Variants in COMMD10 observed in about 807,000 individuals in gnomAD.
COMMD10 encodes the protein COMM domain-containing protein 10.
In COMMD10, 33 loss-of-function variants were observed where a neutral mutation model predicts 28.9. The observed-to-expected ratio is 1.14, with a 90% CI of 0.87 to 1.53. The LOEUF (loss-of-function observed/expected upper bound fraction) is 1.53, where lower values mean the gene tolerates loss of function less well. COMMD10 is among the 40% of genes most tolerant of loss of function. COMMD10 has a pLI of 0.00. For missense variants in COMMD10, 310 were observed against 233.4 expected, an observed-to-expected ratio of 1.33 and a Z score of -2.14; for synonymous variants, 110 against 81.7, an observed-to-expected ratio of 1.35 and a Z score of -1.87.
intron 5 of COMMD10, among the ~76,000 whole-genome samples, chr5:116,144,789 G>A (rs1365967881): frequency 6.6e-6 from 1 of 151,886 alleles, no homozygotes; most frequent in Admixed American, 6.6e-5. Context: ...AATATGAGGT[G>A]AGAGTGGAAG....
intron 5 of COMMD10, among the ~76,000 whole-genome samples, chr5:116,245,522 G>T (rs531182535): frequency 6.6e-6 from 1 of 152,036 alleles, no homozygotes; most frequent in South Asian, 2.1e-4. Flanking sequence ...CCAAAACCTG[G>T]CAGAGATAAA....
At chr5:116,237,477 C>T (rs1221199378) in intron 5 of COMMD10, among the ~76,000 whole-genome samples, 1 of 151,936 alleles carries the variant, frequency 6.6e-6, no homozygotes, top group Non-Finnish European at 1.5e-5. Context: ...AAAAAAAATA[C>T]TACATCAAGC....
At chr5:116,268,904 A>C (rs1750679871) in intron 5 of COMMD10, among the ~76,000 whole-genome samples, 1 of 151,122 alleles carries the variant, frequency 6.6e-6, no homozygotes, top group Admixed American at 6.6e-5. Context: ...CAATGAGAAC[A>C]CTTGGACACA....
chr5:116,102,695 C>G (rs1193576395), intron 4 of COMMD10, among the ~76,000 whole-genome samples: 2 of 152,006 alleles, frequency 1.3e-5, no homozygotes, highest in African/African-American at 4.8e-5. Context: ...GTTTTAAGTT[C>G]TGGGGTACAT....
chr5:116,196,437 T>G (rs1316756499), intron 5 of COMMD10, among the ~76,000 whole-genome samples: 1 of 151,738 alleles, frequency 6.6e-6, no homozygotes, highest in African/African-American at 2.4e-5. Flanking sequence ...CTCACAAATC[T>G]CCACTAAAGA....
chr5:116,250,664 G>C (rs1750087166), intron 5 of COMMD10, among the ~76,000 whole-genome samples: 1 of 151,820 alleles, frequency 6.6e-6, no homozygotes, highest in African/African-American at 2.4e-5. Context: ...GGAAAAATGG[G>C]AATGAGCTAA....
intron 5 of COMMD10, among the ~76,000 whole-genome samples, chr5:116,227,484 T>C (rs189649180): frequency 6.6e-6 from 1 of 152,058 alleles, no homozygotes; most frequent in African/African-American, 2.4e-5. Context: ...AAATGTTTGT[T>C]CAATTTATAC....
intron 4 of COMMD10, among the ~76,000 whole-genome samples, chr5:116,133,594 G>GA (rs1205998958): frequency 2.0e-5 from 3 of 151,874 alleles, no homozygotes; most frequent in African/African-American, 7.3e-5. Flanking sequence ...AAATTAAAAA[G>GA]AAAAAAAGCA....
rs570950064 is a variant in COMMD10, at chr5:116,278,981, T to G, written c.511-12536T>G. ...TTATTCTGATATTTTCCATATCCAA[T>G]ATTTTTTTCCTTCAGGGGAAAAATG... On this transcript the variant is annotated intron_variant, in intron 5 of 6. Coordinates refer to ENST00000274458, the MANE Select transcript of COMMD10 (RefSeq NM_016144.4). Among the ~76,000 whole-genome samples, 55 of 151,986 alleles carry G rather than the reference T, an allele frequency of 3.6e-4. 3 individuals carry two copies. Among genetic ancestry groups the G allele is most frequent in the African/African-American group, 1.3e-3 (53 of 41,318 alleles).
intron 5 of COMMD10, among the ~76,000 whole-genome samples, chr5:116,161,734 A>C (rs1752925363): frequency 6.6e-6 from 1 of 152,168 alleles, no homozygotes; most frequent in Non-Finnish European, 1.5e-5. Context: ...CATCATCTTC[A>C]TGTTGAATAG....
At chr5:116,217,911 G>A in intron 5 of COMMD10, 1 of 649,474 alleles carries the variant, frequency 1.5e-6, no homozygotes, top group Non-Finnish European at 2.8e-6. Flanking sequence ...TAACAGCATA[G>A]CTCAAAAAAA....
chr5:116,141,521 T>C (rs141956110), intron 5 of COMMD10, among the ~76,000 whole-genome samples: 134 of 152,060 alleles, frequency 8.8e-4, no homozygotes, highest in Middle Eastern at 3.4e-3. Flanking sequence ...TTTAACAATG[T>C]TAATTCTTCC....
At chr5:116,211,840 T>C (rs1231233024) in intron 5 of COMMD10, among the ~76,000 whole-genome samples, 1 of 152,126 alleles carries the variant, frequency 6.6e-6, no homozygotes, top group East Asian at 1.9e-4. Context: ...GATTATATTT[T>C]ACAATGATAT....
intron 4 of COMMD10, among the ~76,000 whole-genome samples, chr5:116,129,003 T>C (rs531083694): frequency 7.1e-4 from 108 of 152,066 alleles, no homozygotes; most frequent in African/African-American, 2.4e-3. Flanking sequence ...ACTGTATCAC[T>C]ACTCTTTTCT....
intron 5 of COMMD10, among the ~76,000 whole-genome samples, chr5:116,255,165 ATCCT>A (rs1402832606): frequency 6.6e-6 from 1 of 151,382 alleles, no homozygotes; most frequent in Non-Finnish European, 1.5e-5. Flanking sequence ...ATCTTCCTCC[ATCCT>A]TTTATTTTGA....
chr5:116,281,687 T>A (rs554246375), intron 5 of COMMD10, among the ~76,000 whole-genome samples: 1 of 151,802 alleles, frequency 6.6e-6, no homozygotes, highest in Admixed American at 6.6e-5. Flanking sequence ...TACAGGAAAA[T>A]GGAAAATTTA....
intron 4 of COMMD10, among the ~76,000 whole-genome samples, chr5:116,130,115 T>C (rs980581934): frequency 6.6e-6 from 1 of 151,856 alleles, no homozygotes; most frequent in African/African-American, 2.4e-5. Context: ...TGAATACTTT[T>C]AGTCATGACT....
intron 5 of COMMD10, among the ~76,000 whole-genome samples, chr5:116,184,045 C>A (rs1451948117): frequency 6.6e-6 from 1 of 152,054 alleles, no homozygotes; most frequent in Non-Finnish European, 1.5e-5. Context: ...TTCTCAAATT[C>A]CAAATACTAA....
chr5:116,268,400 G>GAT (rs1018543818), intron 5 of COMMD10, among the ~76,000 whole-genome samples: 28 of 152,012 alleles, frequency 1.8e-4, no homozygotes, highest in Non-Finnish European at 3.4e-4. Flanking sequence ...ACCACAATGA[G>GAT]ATACCATCTC....
Sources: gnomAD v4.1 joint callset for allele counts (sites outside exome capture counted in the v4.1 genomes callset) on GRCh38, gnomAD v4.1.1 for gene constraint, MANE v1.5 for transcripts, NCBI Gene and HGNC (gene_info 2026-07-23, HGNC 2026-07-21) for gene names.